PRKAR1B: variants seen among roughly 807,000 people sequenced by gnomAD.
PRKAR1B encodes the protein protein kinase cAMP-dependent type I regulatory subunit beta.
A neutral mutation model predicts 46.5 loss-of-function variants in PRKAR1B; 22 were observed. The ratio of observed to expected loss-of-function variants is 0.47; its 90% CI spans 0.34 to 0.68. PRKAR1B has a LOEUF of 0.68. PRKAR1B is among the 30% of genes least tolerant of loss of function. The pLI, the probability that PRKAR1B is intolerant of heterozygous loss-of-function variation, is 0.01. For missense variants in PRKAR1B, 445 were observed against 535.6 expected (o/e 0.83, Z 1.67); for synonymous variants, 259 against 217.7 (o/e 1.19, Z -1.67).
intron 2 of PRKAR1B, among the ~76,000 whole-genome samples, chr7:689,827 C>T (rs1779311836): frequency 6.6e-6 from 1 of 151,958 alleles, no homozygotes; most frequent in African/African-American, 2.4e-5. Flanking sequence ...CTACAGGCAC[C>T]CACCACCAAG....
chr7:597,583 C>T (rs921786249), intron 6 of PRKAR1B, among the ~76,000 whole-genome samples: 3 of 152,222 alleles, frequency 2.0e-5, no homozygotes, highest in African/African-American at 2.4e-5. Flanking sequence ...AGAGTACCCA[C>T]CCGCGCGTGC....
chr7:595,102 C>G (rs3924339), intron 7 of PRKAR1B, among the ~76,000 whole-genome samples: 86,818 of 152,102 alleles, frequency 0.57, 25,510 homozygotes, highest in South Asian at 0.82. Context: ...AGCTGCGGGT[C>G]CTCGGCCTGG....
upstream of PRKAR1B, among the ~76,000 whole-genome samples, chr7:728,276 C>A (rs1229820568): frequency 6.6e-6 from 1 of 152,160 alleles, no homozygotes. Context: ...AACACTGATG[C>A]TATAAATCCG....
intron 4 of PRKAR1B, among the ~76,000 whole-genome samples, chr7:673,625 G>A (rs1786412692): frequency 6.6e-6 from 1 of 151,428 alleles, no homozygotes; most frequent in Admixed American, 6.6e-5. Flanking sequence ...CTGAAGCCTG[G>A]GCAACAGAGT....
In PRKAR1B at chr7:711,350, C is replaced by T. The variant is rs773081135; in HGVS notation, c.156G>A (p.Glu52=). The T allele has an allele frequency of 3.1e-6, 5 of 1,614,202 alleles. No individual in the cohort carries two copies. The highest frequency in any genetic ancestry group is 2.2e-5 in the South Asian group (2 of 91,084). ...KPERPMKFLR[E]HFEKLEKEEN... is the part of the protein sequence containing the mutation. ...TCACCTTCTCCAGCTTCTCGAAGTG[C>T]TCCCGGAGGAACTTCATGGGGCGTT... is the stretch of plus-strand genomic sequence containing the variant. Residue 52 remains glutamate (E), a synonymous_variant, in exon 2 of 11, where the codon GAG becomes GAA. Transcript: ENST00000537384.
chr7:691,678 C>T (rs1232356690), intron 2 of PRKAR1B: 1 of 1,289,384 alleles, frequency 7.8e-7, no homozygotes, highest in South Asian at 1.2e-5. Flanking sequence ...AAACCCAGTG[C>T]TGTGACCTCA....
At chr7:562,575 G>A (rs1778870292) in intron 9 of PRKAR1B, among the ~76,000 whole-genome samples, 1 of 152,144 alleles carries the variant, frequency 6.6e-6, no homozygotes, top group Admixed American at 6.5e-5. Context: ...CTCATCACCT[G>A]CAGGTGGGCC....
intron 4 of PRKAR1B, among the ~76,000 whole-genome samples, chr7:657,499 C>T (rs115827844): frequency 5.1e-4 from 77 of 152,292 alleles, no homozygotes; most frequent in African/African-American, 1.8e-3. Flanking sequence ...ACTCAGAGGA[C>T]TTCGTGTCTC....
At chr7:614,263 G>A (rs1026190568) in intron 4 of PRKAR1B, among the ~76,000 whole-genome samples, 4 of 152,250 alleles carry the variant, frequency 2.6e-5, no homozygotes, top group African/African-American at 4.8e-5. Context: ...GACAGGATGC[G>A]CAGAATGACA....
At chr7:561,492 T>C (rs1778795692) in intron 9 of PRKAR1B, among the ~76,000 whole-genome samples, 2 of 152,204 alleles carry the variant, frequency 1.3e-5, no homozygotes, top group South Asian at 4.1e-4. Context: ...AGGCGGTGAC[T>C]CCTCGGAGCG....
intron 4 of PRKAR1B, among the ~76,000 whole-genome samples, chr7:615,903 GAAGAGAGA>G (rs899997655): frequency 6.7e-6 from 1 of 149,978 alleles, no homozygotes; most frequent in African/African-American, 2.5e-5. Flanking sequence ...GAGAAAAAAG[GAAGAGAGA>G]AAGAGAGAAA....
intron 4 of PRKAR1B, among the ~76,000 whole-genome samples, chr7:631,388 G>C (rs1053189905): frequency 3.3e-5 from 5 of 152,226 alleles, no homozygotes; most frequent in Non-Finnish European, 7.3e-5. Flanking sequence ...CCCAGACAGG[G>C]GTGGTCGCCG....
intron 4 of PRKAR1B, among the ~76,000 whole-genome samples, chr7:640,168 A>G (rs1005715086): frequency 6.6e-5 from 10 of 152,108 alleles, no homozygotes; most frequent in African/African-American, 2.4e-4. Context: ...GTCTCGAAAA[A>G]AAAAAAAAAG....
chr7:575,827 C>T (rs1351505322), intron 9 of PRKAR1B, among the ~76,000 whole-genome samples: 1 of 152,210 alleles, frequency 6.6e-6, no homozygotes, highest in African/African-American at 2.4e-5. Context: ...CTCTTCCTAC[C>T]TTGGCCTCCC....
chr7:710,171 C>A (rs190154541), intron 2 of PRKAR1B, among the ~76,000 whole-genome samples: 1 of 152,260 alleles, frequency 6.6e-6, no homozygotes, highest in Admixed American at 6.5e-5. Context: ...TAAACACCGC[C>A]GGATGGGGAC....
chr7:568,747 C>T (rs1307348066), intron 9 of PRKAR1B, among the ~76,000 whole-genome samples: 2 of 152,188 alleles, frequency 1.3e-5, no homozygotes, highest in Non-Finnish European at 1.5e-5. Flanking sequence ...TCCGTCTTTA[C>T]GGCAATAGTC....
chr7:597,415 T>C (rs1316087654), intron 6 of PRKAR1B, among the ~76,000 whole-genome samples: 1 of 152,210 alleles, frequency 6.6e-6, no homozygotes, highest in Non-Finnish European at 1.5e-5. Flanking sequence ...AGGCAGACTC[T>C]GCCTGGCGGG....
At chr7:685,398 A>ATATG (rs577020103) in intron 2 of PRKAR1B, among the ~76,000 whole-genome samples, 2,151 of 124,414 alleles carry the variant, frequency 0.017, 331 homozygotes, top group African/African-American at 0.058. Context: ...ATATATATAT[A>ATATG]TATGTATATA....
At chr7:628,003 C>G (rs116029738) in intron 4 of PRKAR1B, among the ~76,000 whole-genome samples, 5,966 of 151,912 alleles carry the variant, frequency 0.039, 286 homozygotes, top group African/African-American at 0.11. Flanking sequence ...GGAACAAACA[C>G]AGGCCGAGGC....
Sources: gnomAD v4.1 joint callset for allele counts (sites outside exome capture counted in the v4.1 genomes callset) on GRCh38, gnomAD v4.1.1 for gene constraint, MANE v1.5 for transcripts, NCBI Gene and HGNC (gene_info 2026-07-23, HGNC 2026-07-21) for gene names.